The following SEM1 variants were observed in gnomAD, a reference collection of about 807,000 sequenced individuals.
SEM1 encodes SEM1 26S proteasome subunit.
In SEM1, 3 loss-of-function variants were observed where a neutral mutation model predicts 12.7. That is an observed-to-expected ratio of 0.24 (90% confidence interval 0.11 to 0.61). The LOEUF (loss-of-function observed/expected upper bound fraction) is 0.61, where lower values mean the gene tolerates loss of function less well. Ranked by LOEUF, SEM1 falls within the 20% of genes least tolerant of loss-of-function variation. The pLI, the probability that SEM1 is intolerant of heterozygous loss-of-function variation, is 0.88. For synonymous variants in SEM1, 30 were observed against 27.8 expected (o/e 1.08, Z -0.25); for missense variants, 59 against 81.3 (o/e 0.73, Z 1.06).
chr7:96,664,735 A>G (rs67368115), intron 2 of SEM1, among the ~76,000 whole-genome samples: 22,016 of 152,186 alleles, frequency 0.14, 2,806 homozygotes, highest in African/African-American at 0.34. Flanking sequence ...ACACCAGGAT[A>G]CATGGTTTGG....
rs557981648 is a variant in SEM1, at chr7:96,636,160, T to C, written c.171-13517A>G. 9.2e-5 allele frequency among the ~76,000 whole-genome samples: 14 copies of C among 152,136 alleles called. No homozygotes were observed. In the South Asian group the frequency reaches 2.9e-3, roughly 32 times the overall value. ...GGCTTTGCATCAGGTTCCTACCATC[T>C]GGAAAGGTGTGCAATATAAGAATGT... On this transcript the variant is annotated intron_variant, in intron 2 of 2. Coordinates refer to the SEM1 transcript ENST00000417009.
intron 2 of SEM1, among the ~76,000 whole-genome samples, chr7:96,534,946 AC>A: frequency 6.6e-6 from 1 of 152,074 alleles, no homozygotes; most frequent in South Asian, 2.1e-4. Context: ...AATAAATATA[AC>A]CCATATAAAT....
At chr7:96,694,538 C>T (rs1790030342) in intron 2 of SEM1, among the ~76,000 whole-genome samples, 1 of 151,730 alleles carries the variant, frequency 6.6e-6, no homozygotes, top group Non-Finnish European at 1.5e-5. Flanking sequence ...AATTAAATTC[C>T]TAAGGATAAG....
At chr7:96,660,875 G>A (rs1042448906) in intron 2 of SEM1, among the ~76,000 whole-genome samples, 2 of 151,596 alleles carry the variant, frequency 1.3e-5, no homozygotes, top group African/African-American at 4.8e-5. Context: ...AGTTTAAAAC[G>A]AATATATAAA....
chr7:96,549,542 T>C (rs5000437), intron 2 of SEM1, among the ~76,000 whole-genome samples: 93,323 of 152,044 alleles, frequency 0.61, 29,396 homozygotes, highest in Non-Finnish European at 0.69. Flanking sequence ...GGGACAGACT[T>C]TTTCCACACA....
At chr7:96,668,549 C>T (rs865913256), downstream of SEM1, among the ~76,000 whole-genome samples, 1 of 152,126 alleles carries the variant, frequency 6.6e-6, no homozygotes, top group Non-Finnish European at 1.5e-5. Context: ...ATTGCATATA[C>T]ATTAGATATA....
In SEM1 at chr7:96,587,750, G is replaced by A. The variant is rs1251137508; in HGVS notation, c.171-81052C>T. Among the ~76,000 whole-genome samples the A allele has an allele frequency of 2.6e-5, 4 of 151,870 alleles. No homozygotes were observed. In the South Asian group the frequency reaches 8.3e-4, roughly 31 times the overall value. On this transcript the variant is annotated intron_variant and NMD_transcript_variant, in intron 2 of 3. Coordinates refer to the SEM1 transcript ENST00000466986. ...GCTGATAACATTAGAGAGTAGGATAGTTTATGGTAAAATAACATATTTTTA... is the reference window on the plus strand; with the variant it reads ...GCTGATAACATTAGAGAGTAGGATAATTTATGGTAAAATAACATATTTTTA...
At chr7:96,525,769 C>T (rs551840142) in intron 2 of SEM1, among the ~76,000 whole-genome samples, 6 of 152,268 alleles carry the variant, frequency 3.9e-5, no homozygotes, top group East Asian at 1.9e-4. Flanking sequence ...ATCAGAGGCG[C>T]GTTAACTCCT....
chr7:96,602,030 AC>A (rs1181787196), intron 2 of SEM1, among the ~76,000 whole-genome samples: 3 of 152,170 alleles, frequency 2.0e-5, no homozygotes, highest in African/African-American at 7.2e-5. Flanking sequence ...GGGTAGAGAA[AC>A]TTTTGCAGGA....
chr7:96,685,179 G>T (rs1021144994), downstream of SEM1, among the ~76,000 whole-genome samples: 1 of 152,036 alleles, frequency 6.6e-6, no homozygotes, highest in Non-Finnish European at 1.5e-5. Flanking sequence ...CTTTCAAAAG[G>T]GACTTGGCTC....
At chr7:96,495,324 T>C (rs1331425059) in intron 1 of SEM1, among the ~76,000 whole-genome samples, 2 of 152,160 alleles carry the variant, frequency 1.3e-5, no homozygotes, top group African/African-American at 2.4e-5. Flanking sequence ...ATCTCTACTT[T>C]CTGTTCTCTT....
chr7:96,537,740 T>C (rs539557573), intron 2 of SEM1, among the ~76,000 whole-genome samples: 1 of 151,898 alleles, frequency 6.6e-6, no homozygotes, highest in African/African-American at 2.4e-5. Flanking sequence ...TTTGTTTCTT[T>C]GTTTTTCTGG....
At position 96,554,887 on chromosome 7, in the gene SEM1, T is replaced by A. The variant is rs908421417; in HGVS notation, c.171-48189A>T. On this transcript the variant is annotated intron_variant and NMD_transcript_variant, in intron 2 of 3. Transcript: ENST00000466986. ...CACAATTTCAGCTCCTGTTTATTGG[T>A]CTATTCAGAGATTCAACTTTTTCCT... 2.7e-5 allele frequency among the ~76,000 whole-genome samples: 4 copies of A among 148,434 alleles called. No homozygotes were observed. The Admixed American group carries it at 2.7e-4, about 10-fold the overall frequency.
At chr7:96,542,939 TCA>T (rs1805000106) in intron 2 of SEM1, among the ~76,000 whole-genome samples, 7 of 151,970 alleles carry the variant, frequency 4.6e-5, no homozygotes, top group African/African-American at 1.7e-4. Flanking sequence ...ATGTAAATTT[TCA>T]AGAATATGGA....
At chr7:96,655,185 T>A (rs1809136429) in intron 2 of SEM1, among the ~76,000 whole-genome samples, 1 of 152,126 alleles carries the variant, frequency 6.6e-6, no homozygotes, top group Non-Finnish European at 1.5e-5. Context: ...AGATTAAGGG[T>A]ACCAGAGACT....
intron 2 of SEM1, chr7:96,653,885 T>A (rs1183707493): frequency 6.6e-6 from 1 of 152,226 alleles, no homozygotes; most frequent in Admixed American, 6.5e-5. Context: ...GAGAAATGTT[T>A]GTCTGTTGGG....
In SEM1 at chr7:96,622,842, G is replaced by A. The variant is rs539802431; in HGVS notation, c.171-199C>T. On this transcript the variant is annotated intron_variant, in intron 2 of 2. Coordinates refer to the SEM1 transcript ENST00000417009. ...AGCAGGGAAAACTTACATAAATACA[G>A]ACATTTCAAAAGGTGAAATTCTAGC... 58 of 533,374 alleles carry A rather than the reference G, an allele frequency of 1.1e-4. No individual in the cohort carries two copies. In the South Asian group the frequency reaches 1.6e-3, roughly 15 times the overall value. The allele number at this position is 533,374 out of a possible 1,614,324, so 33.0% of individuals were successfully genotyped here.
At chr7:96,600,143 G>C (rs1807153742) in intron 2 of SEM1, among the ~76,000 whole-genome samples, 2 of 152,134 alleles carry the variant, frequency 1.3e-5, no homozygotes, top group South Asian at 4.1e-4. Flanking sequence ...ATTTTAATCA[G>C]TCTATATATT....
At chr7:96,693,838 ACTC>A (rs1790008087) in intron 2 of SEM1, among the ~76,000 whole-genome samples, 1 of 151,502 alleles carries the variant, frequency 6.6e-6, no homozygotes, top group African/African-American at 2.4e-5. Flanking sequence ...GAAAACAGGT[ACTC>A]AAATATATGT....
Sources: gnomAD v4.1 joint callset for allele counts (sites outside exome capture counted in the v4.1 genomes callset) on GRCh38, gnomAD v4.1.1 for gene constraint, MANE v1.5 for transcripts, NCBI Gene and HGNC (gene_info 2026-07-23, HGNC 2026-07-21) for gene names.